The following INTS2 variants were observed in gnomAD, a reference collection of about 807,000 sequenced individuals.
INTS2 encodes integrator complex subunit 2.
A neutral mutation model predicts 139.6 loss-of-function variants in INTS2; 57 were observed. That is an observed-to-expected ratio of 0.41 (90% CI 0.33 to 0.51). The LOEUF is 0.51. INTS2 is among the 20% of genes least tolerant of loss of function. The pLI, the probability that INTS2 is intolerant of heterozygous loss-of-function variation, is 0.28. For missense variants in INTS2, 1,196 were observed against 1,436.7 expected, an observed-to-expected ratio of 0.83 and a Z score of 2.71; for synonymous variants, 473 against 493.4, an observed-to-expected ratio of 0.96 and a Z score of 0.55.
chr17:61,902,155 G>C, intron 9 of INTS2, among the ~76,000 whole-genome samples: 1 of 152,092 alleles, frequency 6.6e-6, no homozygotes, highest in African/African-American at 2.4e-5. Flanking sequence ...AAACTCGTAG[G>C]ATTAGTTTTT....
chr17:61,921,530 CATA>C (rs1191910631), intron 4 of INTS2, among the ~76,000 whole-genome samples, 192 bp downstream of exon 4: 1 of 152,138 alleles, frequency 6.6e-6, no homozygotes, highest in Admixed American at 6.5e-5. Context: ...TTAATGTCTG[CATA>C]ATATGTCACA....
rs147661157 is a variant in INTS2 at position 61,907,990 on chromosome 17, T to C, written c.955-356A>G. Among the ~76,000 whole-genome samples, 321 of 152,356 alleles carry C rather than the reference T, an allele frequency of 2.1e-3. 1 individual carries two copies. Among genetic ancestry groups the C allele is most frequent in the African/African-American group, 6.8e-3 (282 of 41,588 alleles). On this transcript the variant is annotated intron_variant, in intron 7 of 24. Transcript: ENST00000251334. The stretch of plus-strand genomic sequence containing the variant: ...AAGACGTAAGTTCTTGGGGTTTAAA[T>C]GCCAGCTCTACTATTAGACGATTAT...
chr17:61,895,197 T>A (rs2079334750), intron 12 of INTS2, 118 bp downstream of exon 12: 1 of 612,276 alleles, frequency 1.6e-6, no homozygotes, highest in African/African-American at 2.0e-5. Flanking sequence ...AAATAAATCA[T>A]CATGAGTTTA....
Position 61,869,847 on chromosome 17 carries a change from C to T in INTS2, c.2920G>A (p.Gly974Arg), listed in dbSNP as rs199984128. The change falls in exon 21 of 25, where the codon GGA becomes AGA. Residue 974 changes from glycine (G) to arginine (R), a missense_variant. This residue lies in a region of INTS2 where 1,129 missense variants were observed against 1,341.9 expected (regional missense o/e 0.84). Transcript: ENST00000251334. The surrounding 1 kb of genome is among the most constrained non-coding windows in gnomAD (Gnocchi z 5.4). ...TSAPNKGMEE[G>R]EDNLLCNLRE... Reference sequence around the variant, plus strand: ...AGGTTACAGAGCAAATTGTCTTCTCCTTCCTCCATTCCCTTATTTGGAGCG... The same window carrying T: ...AGGTTACAGAGCAAATTGTCTTCTCTTTCCTCCATTCCCTTATTTGGAGCG... 8.9e-5 allele frequency: 143 copies of T among 1,613,914 alleles called. No individual in the cohort carries two copies. The African/African-American group carries it at 1.6e-3, about 18-fold the overall frequency.
intron 7 of INTS2, chr17:61,910,716 T>C (rs998132368): frequency 3.3e-5 from 5 of 152,178 alleles, no homozygotes; most frequent in Non-Finnish European, 7.3e-5. Context: ...ATGTTATGTA[T>C]ATTTTACCAT....
chr17:61,877,495 G>A (rs1042601054), intron 18 of INTS2, among the ~76,000 whole-genome samples: 3 of 152,152 alleles, frequency 2.0e-5, no homozygotes, highest in Non-Finnish European at 4.4e-5. Context: ...CAAACAGTCT[G>A]ATTTAATTGG....
chr17:61,898,862 C>T (rs1387706636), intron 9 of INTS2, among the ~76,000 whole-genome samples: 2 of 152,166 alleles, frequency 1.3e-5, no homozygotes, highest in African/African-American at 2.4e-5. Context: ...GACTGACCCG[C>T]CTCAGCCTCC....
In INTS2 at chr17:61,875,787, A is replaced by G. The variant is rs149397132; in HGVS notation, c.2457-749T>C. Among the ~76,000 whole-genome samples the G allele has an allele frequency of 1.5e-3, 229 of 152,302 alleles. No individual in the cohort carries two copies. Among genetic ancestry groups the G allele is most frequent in the African/African-American group, 5.1e-3 (213 of 41,574 alleles). ...GAGAAAAAAAATTTTCGAACTATTA[A>G]TATCCTAAAAGAATAAAGTATTTTA... On this transcript the variant is annotated intron_variant, in intron 18 of 24. Transcript: ENST00000251334. The surrounding 1 kb of genome is among the most constrained non-coding windows in gnomAD (Gnocchi z 4.6).
At position 61,870,672 on chromosome 17, in the gene INTS2, A is replaced by G. The variant is rs577374149; in HGVS notation, c.2779-684T>C. Among the ~76,000 whole-genome samples, 2 of 152,366 alleles carry G rather than the reference A, an allele frequency of 1.3e-5. No individual in the cohort carries two copies. The highest frequency in any genetic ancestry group is 3.9e-4 in the East Asian group (2 of 5,190). ...AATACATGACATCCACCTCTGATAG[A>G]CAGCTACTGCCTAAGGTAGAGAAAA... On this transcript the variant is annotated intron_variant, in intron 20 of 24. Transcript: ENST00000251334. This position sits in a 1 kb window ranked among gnomAD's most constrained non-coding sequence, Gnocchi z 4.4.
In INTS2 at chr17:61,927,976, C is replaced by G. The variant is rs760539897; in HGVS notation, c.-341G>C. The G allele has an allele frequency of 4.3e-5, 69 of 1,613,474 alleles. 1 individual carries two copies. In the Admixed American group the frequency reaches 8.3e-4, roughly 19 times the overall value. ...CGTCTGACTCCCGTCGGCCACCGTA[C>G]TGGTCTGAGAGGAAGGGTGGCTGCG... On this transcript the variant is annotated 5_prime_UTR_variant, in exon 1 of 25. Coordinates refer to ENST00000251334, the MANE Select transcript of INTS2 (RefSeq NM_001351695.2).
chr17:61,885,761 G>C (rs1166053015), intron 15 of INTS2, among the ~76,000 whole-genome samples: 3 of 110,698 alleles, frequency 2.7e-5, no homozygotes, highest in Admixed American at 2.4e-4. Context: ...ACAGAGTCTC[G>C]CTCTGTCACC....
rs2079318386 is a variant in INTS2, at chr17:61,893,684, G to T, written c.1698+81C>A. ...CACTCCAACCTGGGTGACTGAGCAA[G>T]ACTCCATCTCAAAAGAAAAAAAATA... is the stretch of plus-strand genomic sequence containing the variant. On this transcript the variant is annotated intron_variant, in intron 13 of 24. Transcript: ENST00000251334. The surrounding 1 kb of genome is among the most constrained non-coding windows in gnomAD (Gnocchi z 5.4). The T allele has an allele frequency of 1.9e-6, 2 of 1,067,512 alleles. No individual in the cohort carries two copies. The highest frequency in any genetic ancestry group is 2.8e-5 in the South Asian group (1 of 35,988). The allele number at this position is 1,067,512 out of a possible 1,614,324, so 66.1% of individuals were successfully genotyped here.
In INTS2 at chr17:61,904,397, C is replaced by T. The variant is rs1048522005; in HGVS notation, c.1307+63G>A. ...TAGAAAACTCTTATCTAATGCTATA[C>T]AATTTTATTGAGTAAATAAAAGTAA... On this transcript the variant is annotated intron_variant, in intron 9 of 24. Transcript: ENST00000251334. 5.1e-6 allele frequency: 6 copies of T among 1,177,546 alleles called. No individual in the cohort carries two copies. The African/African-American group carries it at 7.7e-5, about 15-fold the overall frequency. The allele number at this position is 1,177,546 out of a possible 1,614,324, so 72.9% of individuals were successfully genotyped here. A position where few individuals can be genotyped will look rare whatever the true frequency, so the allele number is the denominator to read the frequency against.
Position 61,909,604 on chromosome 17 carries a change from G to A in INTS2, c.954+1916C>T, listed in dbSNP as rs1346500141. 2.6e-5 allele frequency among the ~76,000 whole-genome samples: 4 copies of A among 151,572 alleles called. No individual in the cohort carries two copies. The highest frequency in any genetic ancestry group is 2.1e-4 in the South Asian group (1 of 4,810). On this transcript the variant is annotated intron_variant, in intron 7 of 24. Transcript: ENST00000251334. This position sits in a 1 kb window ranked among gnomAD's most constrained non-coding sequence, Gnocchi z 4.9. Reference sequence around the variant, plus strand: ...GTCTATGATGTGTATTATCCCACTCGCTTATGTCCATGTGTACACATGATT... The same window carrying A: ...GTCTATGATGTGTATTATCCCACTCACTTATGTCCATGTGTACACATGATT...
chr17:61,893,036 C>A lies in INTS2; in HGVS notation c.1698+729G>T, dbSNP rs1388134537. Reference sequence around the variant, plus strand: ...TACTTAGGAGGCTGTGGCAGGAGGACTGCTTGAGCCCAGGAGTTTGAGGTT... The same window carrying A: ...TACTTAGGAGGCTGTGGCAGGAGGAATGCTTGAGCCCAGGAGTTTGAGGTT... On this transcript the variant is annotated intron_variant, in intron 13 of 24. Coordinates refer to ENST00000251334, the MANE Select transcript of INTS2 (RefSeq NM_001351695.2). This position sits in a 1 kb window ranked among gnomAD's most constrained non-coding sequence, Gnocchi z 5.4. 6.8e-6 allele frequency among the ~76,000 whole-genome samples: 1 copy of A among 146,222 alleles called. No individual in the cohort carries two copies. The highest frequency in any genetic ancestry group is 1.5e-5 in the Non-Finnish European group (1 of 66,998).
intron 14 of INTS2, 125 bp downstream of exon 14, chr17:61,891,388 A>G: frequency 1.3e-6 from 1 of 746,724 alleles, no homozygotes; most frequent in Admixed American, 2.6e-5. Flanking sequence ...GATCTAAGGA[A>G]ATTTAATCTA....
In INTS2 at chr17:61,889,831, T is replaced by C. The variant is rs1486427226; in HGVS notation, c.1939A>G (p.Ile647Val). The stretch of plus-strand genomic sequence containing the variant: ...AGAAGAGCCTCTTCATAAGACAGTA[T>C]ATAGTAGAGCACCAAAAGCTGTGCT... Reference protein sequence around the residue: ...ITAQLLVLYYILSYEEALLAN... With the variant: ...ITAQLLVLYYVLSYEEALLAN... The change falls in exon 15 of 25, where the codon ATA becomes GTA. Residue 647 changes from isoleucine to valine, a missense_variant. Physicochemically the swap from Ile to Val is conservative, Grantham distance 29. Coordinates refer to ENST00000251334, the MANE Select transcript of INTS2 (RefSeq NM_001351695.2). 6.2e-7 allele frequency: 1 copy of C among 1,611,868 alleles called. No individual in the cohort carries two copies. The highest frequency in any genetic ancestry group is 8.5e-7 in the Non-Finnish European group (1 of 1,178,336).
At chr17:61,915,330 T>A (rs2079569299) in intron 5 of INTS2, among the ~76,000 whole-genome samples, 1 of 139,912 alleles carries the variant, frequency 7.1e-6, no homozygotes, top group Non-Finnish European at 1.5e-5. Context: ...AGAGCAAGAC[T>A]CCGTCTCAAA....
Position 61,897,842 on chromosome 17 carries a change from C to T in INTS2, c.1308-103G>A. 1 of 842,300 alleles carries T rather than the reference C, an allele frequency of 1.2e-6. No individual in the cohort carries two copies. The highest frequency in any genetic ancestry group is 2.7e-5 in the East Asian group (1 of 37,312). The allele number at this position is 842,300 out of a possible 1,614,324, so 52.2% of individuals were successfully genotyped here. ...TTTTGGTAGAAATTATTTTTCCTGC[C>T]CTATTTTCAAGTATCAAGTCAAATT... On this transcript the variant is annotated intron_variant, in intron 9 of 24. Transcript: ENST00000251334. The surrounding 1 kb of genome is among the most constrained non-coding windows in gnomAD (Gnocchi z 4.4).
Sources: allele counts gnomAD v4.1 joint callset (sites outside exome capture counted in the v4.1 genomes callset), GRCh38; gene constraint gnomAD v4.1.1; regional missense constraint gnomAD v4.1.1; non-coding constraint Gnocchi (gnomAD v3.1); transcripts MANE v1.5; gene names NCBI Gene and HGNC (gene_info 2026-07-23, HGNC 2026-07-21).